CKMT2: variants seen among roughly 807,000 people sequenced by gnomAD.
CKMT2 encodes the protein creatine kinase S-type, mitochondrial.
A neutral mutation model predicts 48.9 loss-of-function variants in CKMT2; 43 were observed. The observed-to-expected ratio is 0.88, with a 90% CI of 0.69 to 1.13. The LOEUF (loss-of-function observed/expected upper bound fraction) is 1.13, where lower values mean the gene tolerates loss of function less well. CKMT2 is among the 50% of genes most tolerant of loss of function. CKMT2 has a pLI of 0.00. For synonymous variants in CKMT2, 206 were observed against 213.0 expected (o/e 0.97, Z 0.29); for missense variants, 472 against 555.4 (o/e 0.85, Z 1.51).
At chr5:81,257,383 A>G (rs1302073411) in intron 6 of CKMT2, among the ~76,000 whole-genome samples, 1 of 152,020 alleles carries the variant, frequency 6.6e-6, no homozygotes, top group Non-Finnish European at 1.5e-5. Flanking sequence ...CGCTTTTTAG[A>G]GCACAAGATT....
At chr5:81,240,573 C>T (rs1475566312) in intron 1 of CKMT2, among the ~76,000 whole-genome samples, 1 of 152,168 alleles carries the variant, frequency 6.6e-6, no homozygotes, top group Non-Finnish European at 1.5e-5. Context: ...ATGGTTAAGA[C>T]CCCATCTAGA....
At chr5:81,248,883 G>A (rs751960893) in intron 1 of CKMT2, among the ~76,000 whole-genome samples, 1 of 152,118 alleles carries the variant, frequency 6.6e-6, no homozygotes, top group African/African-American at 2.4e-5. Context: ...TAGAGACTTC[G>A]AAATGACGGT....
intron 1 of CKMT2, among the ~76,000 whole-genome samples, chr5:81,240,143 G>A (rs575829947): frequency 1.1e-4 from 16 of 151,914 alleles, no homozygotes; most frequent in East Asian, 3.9e-4. Context: ...CCCGCTGACC[G>A]CCTGGAAGCC....
Position 81,263,484 on chromosome 5 carries a change from G to C in CKMT2, c.1015-7G>C. 1 of 1,610,300 alleles carries C rather than the reference G, an allele frequency of 6.2e-7. No homozygotes were observed. Among genetic ancestry groups the C allele is most frequent in the Non-Finnish European group, 8.5e-7 (1 of 1,177,914 alleles). ...TAGCACATTTAAGTATTATCCCTTTGTCCTAGGACCCACGCTTTTCTAAGA... is the reference window on the plus strand; with the variant it reads ...TAGCACATTTAAGTATTATCCCTTTCTCCTAGGACCCACGCTTTTCTAAGA... On this transcript the variant is annotated splice_region_variant and splice_polypyrimidine_tract_variant and intron_variant, in intron 8 of 9. Transcript: ENST00000254035.
intron 1 of CKMT2, chr5:81,244,845 C>T (rs1196883351): frequency 7.0e-6 from 1 of 142,456 alleles, no homozygotes; most frequent in African/African-American, 2.6e-5. Flanking sequence ...ATCCCCCTCA[C>T]TATTTTTTTT....
At chr5:81,262,121 G>C (rs1580458688) in intron 8 of CKMT2, among the ~76,000 whole-genome samples, 2 of 152,152 alleles carry the variant, frequency 1.3e-5, no homozygotes, top group Non-Finnish European at 2.9e-5. Flanking sequence ...ATGGTGTTGG[G>C]AAAACTGGCT....
intron 9 of CKMT2, among the ~76,000 whole-genome samples, chr5:81,264,609 G>A (rs1757332184): frequency 6.6e-6 from 1 of 152,178 alleles, no homozygotes; most frequent in African/African-American, 2.4e-5. Context: ...ACTGAATAAT[G>A]TGTGGTGTAG....
rs760692241 is a variant in CKMT2 at position 81,259,216 on chromosome 5, C to G, written c.976C>G (p.Arg326Gly). 6.2e-6 allele frequency: 10 copies of G among 1,613,920 alleles called. No homozygotes were observed. Among genetic ancestry groups the G allele is most frequent in the Non-Finnish European group, 7.6e-6 (9 of 1,179,968 alleles). The change falls in exon 8 of 10, where the codon CGA becomes GGA. Residue 326 changes from arginine to glycine, a missense_variant. Coordinates refer to ENST00000254035, the MANE Select transcript of CKMT2 (RefSeq NM_001099735.2). Reference sequence around the variant, plus strand: ...TCCTTCGAACCTTGGAACAGGACTACGAGCTGGTGTCCACGTTAGGATCCC... The same window carrying G: ...TCCTTCGAACCTTGGAACAGGACTAGGAGCTGGTGTCCACGTTAGGATCCC... ...TCPSNLGTGL[R>G]AGVHVRIPKL...
chr5:81,261,733 T>C (rs902940267), intron 8 of CKMT2, among the ~76,000 whole-genome samples: 5 of 152,156 alleles, frequency 3.3e-5, no homozygotes, highest in African/African-American at 9.7e-5. Flanking sequence ...TGCTCATGGA[T>C]AGGAAGAATC....
At chr5:81,250,940 A>AAAACACACACACACACACAC (rs373408385) in intron 1 of CKMT2, among the ~76,000 whole-genome samples, 173 bp from the exon 2 acceptor site, 10 of 132,998 alleles carry the variant, frequency 7.5e-5, no homozygotes, top group African/African-American at 3.0e-4. Context: ...AGAAATAGAA[A>AAAACACACACACACACACAC]ACACACACAC....
Position 81,258,997 on chromosome 5 carries a change from A to G in CKMT2, c.880-123A>G, listed in dbSNP as rs112881335. The G allele has an allele frequency of 6.7e-3, 6,139 of 920,832 alleles. 39 individuals are homozygous for G. Among genetic ancestry groups the G allele is most frequent in the Middle Eastern group, 0.018 (50 of 2,754 alleles). The allele number at this position is 920,832 out of a possible 1,614,324, so 57.0% of individuals were successfully genotyped here. ...TATTTTCTCTTAAAGGAGTACTATA[A>G]ATTTACCTTAATTTCATTCATGCCA... On this transcript the variant is annotated intron_variant, in intron 7 of 9. Coordinates refer to ENST00000254035, the MANE Select transcript of CKMT2 (RefSeq NM_001099735.2).
At chr5:81,240,324 A>C (rs1350781676) in intron 1 of CKMT2, among the ~76,000 whole-genome samples, 1 of 152,222 alleles carries the variant, frequency 6.6e-6, no homozygotes, top group East Asian at 1.9e-4. Flanking sequence ...AACACTCAGC[A>C]TACCTGAGAG....
intron 1 of CKMT2, among the ~76,000 whole-genome samples, chr5:81,248,637 G>C (rs1318412512): frequency 6.6e-6 from 1 of 152,202 alleles, no homozygotes; most frequent in Non-Finnish European, 1.5e-5. Context: ...ACAACTTCAA[G>C]AAATGACCAA....
In CKMT2 at chr5:81,255,184, G is replaced by A; in HGVS notation, c.639G>A (p.Met213Ile). The change falls in exon 5 of 10, where the codon ATG becomes ATA. Residue 213 changes from methionine to isoleucine, a missense_variant. Met to Ile is a conservative substitution (Grantham distance 10). Coordinates refer to ENST00000254035, the MANE Select transcript of CKMT2 (RefSeq NM_001099735.2). ...GCCGCTACTACAAGCTGTCCGAGATGACGGAGCAGGACCAGCAGCGGCTCA... is the reference window on the plus strand; with the variant it reads ...GCCGCTACTACAAGCTGTCCGAGATAACGGAGCAGGACCAGCAGCGGCTCA... Reference protein sequence around the residue: ...LAGRYYKLSEMTEQDQQRLID... With the variant: ...LAGRYYKLSEITEQDQQRLID... The A allele has an allele frequency of 6.2e-7, 1 of 1,614,108 alleles. No homozygotes were observed. Among genetic ancestry groups the A allele is most frequent in the South Asian group, 1.1e-5 (1 of 91,090 alleles).
chr5:81,242,308 T>C lies in CKMT2; in HGVS notation c.-20-8805T>C, dbSNP rs531788188. 1.4e-3 allele frequency: 493 copies of C among 344,356 alleles called. 5 individuals are homozygous for C. Among genetic ancestry groups the C allele is most frequent in the South Asian group, 0.014 (464 of 33,638 alleles). The allele number at this position is 344,356 out of a possible 1,614,324, so 21.3% of individuals were successfully genotyped here. ...TTCATTCAAAAGTTTGTGGGCTTTT[T>C]TTTTGTGAGACAAAGGTTTGTTCAT... On this transcript the variant is annotated intron_variant, in intron 1 of 9. Transcript: ENST00000254035.
rs942494631 is a variant in CKMT2 at position 81,257,647 on chromosome 5, G to A, written c.756-86G>A. ...TAGGAAATGAGGAAGGTGAAATGAAGCAATCAAGCTAGGGAGGTAATGGGA... is the reference window on the plus strand; with the variant it reads ...TAGGAAATGAGGAAGGTGAAATGAAACAATCAAGCTAGGGAGGTAATGGGA... On this transcript the variant is annotated intron_variant, in intron 6 of 9. Coordinates refer to ENST00000254035, the MANE Select transcript of CKMT2 (RefSeq NM_001099735.2). 1.2e-5 allele frequency: 14 copies of A among 1,201,060 alleles called. No homozygotes were observed. In the Admixed American group the frequency reaches 2.0e-4, roughly 17 times the overall value. The allele number at this position is 1,201,060 out of a possible 1,614,324, so 74.4% of individuals were successfully genotyped here.
chr5:81,255,708 T>TA (rs1756983819), intron 5 of CKMT2, among the ~76,000 whole-genome samples: 1 of 151,998 alleles, frequency 6.6e-6, no homozygotes. Context: ...CCACCATGTC[T>TA]ACCACGGCTT....
intron 1 of CKMT2, among the ~76,000 whole-genome samples, chr5:81,248,685 A>G (rs190064319): frequency 1.7e-4 from 26 of 152,372 alleles, no homozygotes; most frequent in African/African-American, 5.3e-4. Context: ...TACTGGCTTT[A>G]GAATTGAAAG....
chr5:81,264,810 C>A (rs1757336790), intron 9 of CKMT2, among the ~76,000 whole-genome samples: 1 of 152,078 alleles, frequency 6.6e-6, no homozygotes, highest in Non-Finnish European at 1.5e-5. Context: ...ACCCTGATAA[C>A]CATTGTGAAC....
Sources: gnomAD v4.1 joint callset for allele counts (sites outside exome capture counted in the v4.1 genomes callset) on GRCh38, gnomAD v4.1.1 for gene constraint, MANE v1.5 for transcripts, NCBI Gene and HGNC (gene_info 2026-07-23, HGNC 2026-07-21) for gene names.